The following FGF12 variants were observed in gnomAD, a reference collection of about 807,000 sequenced individuals.
The protein encoded by FGF12 is fibroblast growth factor 12B.
FGF12 carries 14 observed loss-of-function variants against 23.6 expected under a neutral mutation model. The ratio of observed to expected loss-of-function variants is 0.59; its 90% CI spans 0.39 to 0.93. The LOEUF is 0.93. FGF12 is among the 40% of genes least tolerant of loss of function. The pLI is 0.00. For missense variants in FGF12, 175 were observed against 217.8 expected, an observed-to-expected ratio of 0.80 and a Z score of 1.24; for synonymous variants, 62 against 77.3, an observed-to-expected ratio of 0.80 and a Z score of 1.04.
In FGF12 at chr3:192,301,087, G is replaced by C. The variant is rs180749577; in HGVS notation, c.228+34274C>G. Among the ~76,000 whole-genome samples, 252 of 152,126 alleles carry C rather than the reference G, an allele frequency of 1.7e-3. 2 individuals are homozygous for C. The highest frequency in any genetic ancestry group is 5.9e-3 in the African/African-American group (244 of 41,500). ...TGCATGGGACAAAGAAGAGTAGAGA[G>C]GTCACTTTCCATAAGGAAAACACAA... On this transcript the variant is annotated intron_variant, in intron 4 of 5. Transcript: ENST00000445105.
intron 2 of FGF12, among the ~76,000 whole-genome samples, chr3:192,721,459 T>C (rs189959325): frequency 1.4e-4 from 22 of 152,070 alleles, no homozygotes; most frequent in Non-Finnish European, 2.8e-4. Flanking sequence ...TTAAGGGAGA[T>C]TGTATATATT....
chr3:192,451,763 T>G (rs987477974), intron 2 of FGF12, among the ~76,000 whole-genome samples: 5 of 152,232 alleles, frequency 3.3e-5, no homozygotes, highest in Non-Finnish European at 7.4e-5. Flanking sequence ...AGTTAATTTA[T>G]TTCATGGCTG....
chr3:192,654,881 C>T (rs979598088), intron 2 of FGF12, among the ~76,000 whole-genome samples: 5 of 152,052 alleles, frequency 3.3e-5, no homozygotes, highest in African/African-American at 1.2e-4. Context: ...TCAGCCACTT[C>T]TGACAGATCA....
chr3:192,400,657 G>T (rs967914898), intron 2 of FGF12, among the ~76,000 whole-genome samples: 1 of 151,916 alleles, frequency 6.6e-6, no homozygotes, highest in Non-Finnish European at 1.5e-5. Flanking sequence ...GTGAACCACC[G>T]CACCCCGTCC....
chr3:192,392,833 T>C (rs928421093), intron 2 of FGF12, among the ~76,000 whole-genome samples: 2 of 152,176 alleles, frequency 1.3e-5, no homozygotes, highest in African/African-American at 2.4e-5. Flanking sequence ...AAGATGTAAA[T>C]GAATGTACAG....
chr3:192,724,162 C>T (rs1160261645), intron 2 of FGF12, among the ~76,000 whole-genome samples: 1 of 151,950 alleles, frequency 6.6e-6, no homozygotes, highest in Non-Finnish European at 1.5e-5. Context: ...TTCCTCACTC[C>T]AAATCATGCT....
At chr3:192,189,355 T>G (rs1716656996) in intron 4 of FGF12, among the ~76,000 whole-genome samples, 1 of 152,166 alleles carries the variant, frequency 6.6e-6, no homozygotes, top group Admixed American at 6.5e-5. Context: ...ATTTGACCTC[T>G]CCAAACAGAA....
chr3:192,714,046 AAAT>A (rs1428123635), intron 2 of FGF12, among the ~76,000 whole-genome samples: 1 of 152,206 alleles, frequency 6.6e-6, no homozygotes, highest in Non-Finnish European at 1.5e-5. Context: ...GAGATACTTA[AAAT>A]AATAATATCT....
intron 2 of FGF12, among the ~76,000 whole-genome samples, chr3:192,670,010 T>C (rs1421708013): frequency 6.6e-6 from 1 of 152,226 alleles, no homozygotes; most frequent in African/African-American, 2.4e-5. Flanking sequence ...TGGCTGAGTT[T>C]TGATGTAGTG....
intron 2 of FGF12, among the ~76,000 whole-genome samples, chr3:192,521,018 C>G (rs1724799917): frequency 1.3e-5 from 2 of 152,120 alleles, no homozygotes; most frequent in South Asian, 4.1e-4. Flanking sequence ...GGGTAGCCTC[C>G]TAGAAAAAGA....
chr3:192,181,102 C>G (rs1424235609), intron 4 of FGF12, among the ~76,000 whole-genome samples: 1 of 152,126 alleles, frequency 6.6e-6, no homozygotes, highest in African/African-American at 2.4e-5. Context: ...CAGGATGAGA[C>G]TCTTCAAGGC....
chr3:192,331,760 G>A (rs1489661958), intron 4 of FGF12, among the ~76,000 whole-genome samples: 2 of 151,960 alleles, frequency 1.3e-5, no homozygotes, highest in Admixed American at 6.6e-5. Flanking sequence ...TGGAATAAAG[G>A]GTCTGTAGAG....
chr3:192,525,003 A>C (rs1405874000), intron 2 of FGF12, among the ~76,000 whole-genome samples: 1 of 152,164 alleles, frequency 6.6e-6, no homozygotes, highest in Non-Finnish European at 1.5e-5. Flanking sequence ...ACTCTATTTC[A>C]AGAAACTCTT....
intron 2 of FGF12, among the ~76,000 whole-genome samples, chr3:192,550,818 G>T (rs1341135839): frequency 6.6e-6 from 1 of 152,048 alleles, no homozygotes; most frequent in African/African-American, 2.4e-5. Context: ...GACTTAAAAT[G>T]AAATTTTAAA....
intron 2 of FGF12, among the ~76,000 whole-genome samples, chr3:192,574,898 G>A (rs1712807896): frequency 6.6e-6 from 1 of 152,176 alleles, no homozygotes; most frequent in Non-Finnish European, 1.5e-5. Context: ...GCTCCCAAAT[G>A]TCTGGCCCAC....
At chr3:192,593,965 C>T (rs1320307809) in intron 2 of FGF12, among the ~76,000 whole-genome samples, 2 of 151,930 alleles carry the variant, frequency 1.3e-5, no homozygotes, top group Non-Finnish European at 2.9e-5. Flanking sequence ...CACTTTCATT[C>T]TTAGTCTTGC....
intron 4 of FGF12, among the ~76,000 whole-genome samples, chr3:192,246,341 T>C (rs1711559373): frequency 6.6e-6 from 1 of 152,086 alleles, no homozygotes. Flanking sequence ...GTGGAGTAAA[T>C]ATAAATGGGC....
chr3:192,304,309 G>A (rs1341337793), intron 4 of FGF12, among the ~76,000 whole-genome samples: 1 of 152,046 alleles, frequency 6.6e-6, no homozygotes, highest in Admixed American at 6.6e-5. Flanking sequence ...GTTGGGCACC[G>A]AGCGCTTTAC....
chr3:192,607,568 A>C (rs917649501), intron 2 of FGF12, among the ~76,000 whole-genome samples: 3 of 152,142 alleles, frequency 2.0e-5, no homozygotes, highest in African/African-American at 4.8e-5. Flanking sequence ...CAAATGCCTG[A>C]CATATAGCAC....
Sources: gnomAD v4.1 joint callset for allele counts (sites outside exome capture counted in the v4.1 genomes callset) on GRCh38, gnomAD v4.1.1 for gene constraint, MANE v1.5 for transcripts, NCBI Gene and HGNC (gene_info 2026-07-23, HGNC 2026-07-21) for gene names.